Variants in MIS18BP1 observed in about 807,000 individuals in gnomAD.
MIS18BP1 encodes MIS18 binding protein 1, also known as mis18-binding protein 1.
Under a neutral mutation model 116.1 loss-of-function variants are expected in MIS18BP1, and 72 were observed. That is an observed-to-expected ratio of 0.62 (90% CI 0.51 to 0.75). MIS18BP1 has a LOEUF of 0.75. Ranked by LOEUF, MIS18BP1 falls within the 30% of genes least tolerant of loss-of-function variation. MIS18BP1 has a pLI of 0.00. For missense variants in MIS18BP1, 1,363 were observed against 1,303.2 expected (o/e 1.05, Z -0.71); for synonymous variants, 386 against 427.0 (o/e 0.90, Z 1.18).
intron 2 of MIS18BP1, among the ~76,000 whole-genome samples, chr14:45,243,847 A>C (rs1891649476): frequency 6.6e-6 from 1 of 152,188 alleles, no homozygotes; most frequent in Non-Finnish European, 1.5e-5. Flanking sequence ...CTAAAAGTAT[A>C]TACAAAATTT....
intron 14 of MIS18BP1, chr14:45,206,410 C>T: frequency 2.7e-6 from 1 of 371,762 alleles, no homozygotes; most frequent in Middle Eastern, 8.2e-4. Context: ...ACTCAGCCTC[C>T]CAAGTAGCTT....
intron 1 of MIS18BP1, among the ~76,000 whole-genome samples, chr14:45,249,057 C>T (rs1891798572): frequency 6.6e-6 from 1 of 151,594 alleles, no homozygotes; most frequent in South Asian, 2.1e-4. Context: ...AAGTGTGTGC[C>T]ACTGCACCTC....
At chr14:45,209,504 GT>G (rs200423289) in intron 14 of MIS18BP1, among the ~76,000 whole-genome samples, 1 of 151,412 alleles carries the variant, frequency 6.6e-6, no homozygotes, top group African/African-American at 2.4e-5. Flanking sequence ...ACATTTTTGG[GT>G]TTTTTTTGTA....
intron 1 of MIS18BP1, among the ~76,000 whole-genome samples, chr14:45,249,842 C>T (rs1374018151): frequency 6.6e-6 from 1 of 152,126 alleles, no homozygotes; most frequent in Non-Finnish European, 1.5e-5. Flanking sequence ...CCACTGCACT[C>T]CAGCCTAGGC....
At chr14:45,239,113 T>C (rs1414626090) in intron 4 of MIS18BP1, among the ~76,000 whole-genome samples, 1 of 152,166 alleles carries the variant, frequency 6.6e-6, no homozygotes, top group Non-Finnish European at 1.5e-5. Context: ...ATACTGCTTA[T>C]ATAAGATATC....
intron 1 of MIS18BP1, among the ~76,000 whole-genome samples, chr14:45,248,547 C>T (rs1291397217): frequency 6.6e-6 from 1 of 151,942 alleles, no homozygotes; most frequent in East Asian, 1.9e-4. Context: ...TATAACTATT[C>T]CAATTAGTTA....
At chr14:45,237,800 G>A in intron 4 of MIS18BP1, 79 bp from the exon 5 acceptor site, 1 of 1,494,188 alleles carries the variant, frequency 6.7e-7, no homozygotes, top group Admixed American at 2.6e-5. Context: ...TACATTAAAA[G>A]AAAAAACTTG....
intron 2 of MIS18BP1, among the ~76,000 whole-genome samples, chr14:45,243,596 A>G (rs944946078): frequency 6.6e-6 from 1 of 152,158 alleles, no homozygotes; most frequent in Non-Finnish European, 1.5e-5. Context: ...TTTAAATTTT[A>G]TACTTGAAAA....
At chr14:45,229,597 A>T (rs1022520849) in intron 8 of MIS18BP1, among the ~76,000 whole-genome samples, 3 of 152,084 alleles carry the variant, frequency 2.0e-5, no homozygotes, top group South Asian at 4.1e-4. Context: ...ATTTGTATTC[A>T]TTTCTCTTGT....
At chr14:45,238,716 T>C (rs1245099457) in intron 4 of MIS18BP1, among the ~76,000 whole-genome samples, 1 of 152,136 alleles carries the variant, frequency 6.6e-6, no homozygotes, top group South Asian at 2.1e-4. Flanking sequence ...TCCCAGCTAC[T>C]GGAGAGGCAG....
At chr14:45,209,045 T>TTCA (rs1403921888) in intron 14 of MIS18BP1, among the ~76,000 whole-genome samples, 1 of 152,146 alleles carries the variant, frequency 6.6e-6, no homozygotes, top group African/African-American at 2.4e-5. Context: ...TGTTCTTGTA[T>TTCA]TCACATGGTT....
chr14:45,209,280 A>G (rs1379774330), intron 14 of MIS18BP1, among the ~76,000 whole-genome samples: 10 of 152,072 alleles, frequency 6.6e-5, no homozygotes, highest in Non-Finnish European at 1.5e-5. Context: ...TGTTTCATTT[A>G]ATATATCTTA....
chr14:45,248,513 T>C (rs1891785316), intron 1 of MIS18BP1, among the ~76,000 whole-genome samples: 1 of 152,196 alleles, frequency 6.6e-6, no homozygotes, highest in African/African-American at 2.4e-5. Context: ...AGTCTAGATT[T>C]ACAGCATCTC....
chr14:45,229,010 T>C (rs2139197190), intron 8 of MIS18BP1, among the ~76,000 whole-genome samples: 1 of 152,152 alleles, frequency 6.6e-6, no homozygotes, highest in African/African-American at 2.4e-5. Context: ...TCAAAATAAC[T>C]TACGTGATAT....
At position 45,224,638 on chromosome 14, in the gene MIS18BP1, A is replaced by G. The variant is rs1891075809; in HGVS notation, c.1949T>C (p.Ile650Thr). ...TCTAGATTTAAGTGGTGTTACTAAAATATAAGCTTTCTTCTGATTGATGGC... is the reference window on the plus strand; with the variant it reads ...TCTAGATTTAAGTGGTGTTACTAAAGTATAAGCTTTCTTCTGATTGATGGC... ...YMAINQKKAY[I>T]LVTPLKSRKV... Residue 650 changes from isoleucine (I) to threonine (T), a missense_variant, in exon 11 of 17, where the codon ATT (isoleucine) becomes ACT (threonine). Transcript: ENST00000310806. 1 of 1,613,574 alleles carries G rather than the reference A, an allele frequency of 6.2e-7. No individual in the cohort carries two copies. Among genetic ancestry groups the G allele is most frequent in the African/African-American group, 1.3e-5 (1 of 74,900 alleles).
chr14:45,246,087 C>T (rs188791817), intron 2 of MIS18BP1, among the ~76,000 whole-genome samples: 174 of 152,242 alleles, frequency 1.1e-3, no homozygotes, highest in Admixed American at 2.3e-3. Flanking sequence ...GCCAGAGTGA[C>T]ATTTTAAAAA....
chr14:45,246,674 C>T, intron 2 of MIS18BP1, 69 bp downstream of exon 2: 1 of 1,446,630 alleles, frequency 6.9e-7, no homozygotes, highest in Non-Finnish European at 9.2e-7. Flanking sequence ...ATTCTGAGCA[C>T]CTAAAACAGT....
At position 45,221,368 on chromosome 14, in the gene MIS18BP1, T is replaced by C. The variant is rs527772445; in HGVS notation, c.2669+2550A>G. 1.9e-4 allele frequency among the ~76,000 whole-genome samples: 29 copies of C among 151,390 alleles called. No homozygotes were observed. In the East Asian group the frequency reaches 3.9e-3, roughly 20 times the overall value. The stretch of plus-strand genomic sequence containing the variant: ...AGGAGAATGGTGTGAACCTGGGAGG[T>C]GGAGCTTGCAGTGAGCAGAGATCGC... On this transcript the variant is annotated intron_variant, in intron 11 of 16. Transcript: ENST00000310806.
chr14:45,233,532 G>A (rs183328427), intron 6 of MIS18BP1, among the ~76,000 whole-genome samples: 1 of 152,196 alleles, frequency 6.6e-6, no homozygotes, highest in East Asian at 1.9e-4. Context: ...GAAGAGCAAG[G>A]GAAGAAAGAA....
Sources: allele counts gnomAD v4.1 joint callset (sites outside exome capture counted in the v4.1 genomes callset), GRCh38; gene constraint gnomAD v4.1.1; transcripts MANE v1.5; gene names NCBI Gene and HGNC (gene_info 2026-07-23, HGNC 2026-07-21).